SLIT3: variants seen among roughly 807,000 people sequenced by gnomAD.
SLIT3 encodes slit guidance ligand 3.
A neutral mutation model predicts 184.0 loss-of-function variants in SLIT3; 68 were observed. The ratio of observed to expected loss-of-function variants is 0.37; its 90% CI spans 0.30 to 0.45. SLIT3 has a LOEUF of 0.45. SLIT3 is among the 20% of genes least tolerant of loss of function. SLIT3 has a pLI of 1.00. For missense variants in SLIT3, 1,707 were observed against 2,026.0 expected (o/e 0.84, Z 3.02); for synonymous variants, 831 against 828.6 (o/e 1.00, Z -0.05).
intron 4 of SLIT3, among the ~76,000 whole-genome samples, chr5:168,911,311 C>CA (rs1447379947): frequency 6.6e-6 from 1 of 152,142 alleles, no homozygotes; most frequent in Non-Finnish European, 1.5e-5. Context: ...TATTAGCGTT[C>CA]ACCCCACCCC....
intron 31 of SLIT3, among the ~76,000 whole-genome samples, chr5:168,684,510 CCCAGGCTGG>C (rs1435218570): frequency 6.6e-6 from 1 of 152,150 alleles, no homozygotes; most frequent in Non-Finnish European, 1.5e-5. Context: ...AGAATCTTGG[CCCAGGCTGG>C]AGTGCAGTGG....
intron 5 of SLIT3, among the ~76,000 whole-genome samples, chr5:168,852,329 G>GC (rs1347922773): frequency 6.6e-6 from 1 of 152,192 alleles, no homozygotes; most frequent in East Asian, 1.9e-4. Flanking sequence ...TAGTGAGGTA[G>GC]TTTTTTTCTT....
chr5:168,862,950 C>G (rs910417789), intron 5 of SLIT3, among the ~76,000 whole-genome samples: 1 of 152,220 alleles, frequency 6.6e-6, no homozygotes, highest in Admixed American at 6.5e-5. Context: ...GTTGGGATTA[C>G]AGGCATGAGC....
rs111696953 is a variant in SLIT3 at position 168,782,610 on chromosome 5, G to A, written c.1151+3297C>T. 9.7e-3 allele frequency among the ~76,000 whole-genome samples: 1,482 copies of A among 152,260 alleles called. 29 individuals are homozygous for A. The highest frequency in any genetic ancestry group is 0.034 in the African/African-American group (1,394 of 41,556). ...GAGCTTCCAGTGAGGAGGAAGACAGGTCATTTCTCTAATAATTGAGCTGCT... is the reference window on the plus strand; with the variant it reads ...GAGCTTCCAGTGAGGAGGAAGACAGATCATTTCTCTAATAATTGAGCTGCT... On this transcript the variant is annotated intron_variant, in intron 12 of 35. Coordinates refer to ENST00000519560, the MANE Select transcript of SLIT3 (RefSeq NM_003062.4).
chr5:169,274,066 G>A (rs538912401), intron 1 of SLIT3, among the ~76,000 whole-genome samples: 18 of 152,266 alleles, frequency 1.2e-4, no homozygotes, highest in South Asian at 2.1e-4. Flanking sequence ...TGGGGTTCCC[G>A]GACCAGCAGT....
intron 8 of SLIT3, among the ~76,000 whole-genome samples, chr5:168,816,294 C>T (rs907965172): frequency 1.4e-4 from 21 of 152,198 alleles, no homozygotes; most frequent in South Asian, 1.0e-3. Flanking sequence ...TCAAGCGATT[C>T]TCCTGCCTCA....
intron 4 of SLIT3, among the ~76,000 whole-genome samples, chr5:169,190,152 A>G (rs553912980): frequency 6.6e-6 from 1 of 152,326 alleles, no homozygotes; most frequent in South Asian, 2.1e-4. Context: ...GGACATGGGC[A>G]TATATGACCA....
intron 12 of SLIT3, among the ~76,000 whole-genome samples, chr5:168,784,760 A>G (rs976579386): frequency 3.3e-5 from 5 of 152,104 alleles, no homozygotes; most frequent in Admixed American, 1.3e-4. Flanking sequence ...CCCCAGCTTG[A>G]GTCCTGGCCC....
At chr5:168,919,201 A>G (rs1420284428) in intron 4 of SLIT3, among the ~76,000 whole-genome samples, 1 of 150,906 alleles carries the variant, frequency 6.6e-6, no homozygotes, top group African/African-American at 2.4e-5. Context: ...CGGAGGTTGC[A>G]GTGAGCCGAG....
chr5:169,067,934 A>G lies in SLIT3; in HGVS notation c.413+125545T>C, dbSNP rs561757398. 1.4e-4 allele frequency among the ~76,000 whole-genome samples: 21 copies of G among 152,368 alleles called. 2 individuals carry two copies. The South Asian group carries it at 4.1e-3, about 30-fold the overall frequency. ...CACACTTGAGGAAAATTATTTAGTT[A>G]TGATAATTATTAGCTGCTTTTAATC... On this transcript the variant is annotated intron_variant, in intron 4 of 35. Coordinates refer to ENST00000519560, the MANE Select transcript of SLIT3 (RefSeq NM_003062.4).
At chr5:169,137,323 C>G (rs1761546866) in intron 4 of SLIT3, among the ~76,000 whole-genome samples, 1 of 114,384 alleles carries the variant, frequency 8.7e-6, no homozygotes, top group Non-Finnish European at 1.8e-5. Flanking sequence ...CACACACACA[C>G]ACACACACAC....
chr5:169,094,185 T>G (rs1759694644), intron 4 of SLIT3, among the ~76,000 whole-genome samples: 1 of 152,258 alleles, frequency 6.6e-6, no homozygotes, highest in South Asian at 2.1e-4. Context: ...TTTGTTAATT[T>G]AACTTAATAT....
chr5:168,696,525 A>G, intron 27 of SLIT3, 94 bp from the exon 28 acceptor site: 1 of 1,456,908 alleles, frequency 6.9e-7, no homozygotes, highest in Non-Finnish European at 9.5e-7. Context: ...TGGGAAATAC[A>G]ATTAGTTTTT....
intron 3 of SLIT3, among the ~76,000 whole-genome samples, chr5:169,202,370 T>A (rs1763929003): frequency 6.6e-6 from 1 of 152,212 alleles, no homozygotes; most frequent in African/African-American, 2.4e-5. Context: ...ATCTGTATTA[T>A]CTCACTTCGT....
chr5:168,917,456 A>G (rs770164307), intron 4 of SLIT3, among the ~76,000 whole-genome samples: 3 of 152,180 alleles, frequency 2.0e-5, no homozygotes, highest in Non-Finnish European at 2.9e-5. Flanking sequence ...ATCTCAGTCA[A>G]ATCCCTTGTT....
At chr5:168,921,403 G>C (rs1581212852) in intron 4 of SLIT3, among the ~76,000 whole-genome samples, 1 of 152,100 alleles carries the variant, frequency 6.6e-6, no homozygotes, top group Non-Finnish European at 1.5e-5. Flanking sequence ...GTTCACATCT[G>C]TTAAAGCATT....
chr5:168,905,732 T>C (rs1761028635), intron 4 of SLIT3, among the ~76,000 whole-genome samples: 1 of 152,222 alleles, frequency 6.6e-6, no homozygotes, highest in Non-Finnish European at 1.5e-5. Flanking sequence ...GAAACTCGTA[T>C]ACCCCTTGCT....
chr5:168,840,055 G>A (rs553047075), intron 6 of SLIT3, among the ~76,000 whole-genome samples: 9 of 152,236 alleles, frequency 5.9e-5, no homozygotes, highest in East Asian at 1.9e-4. Context: ...TCCTACCAGC[G>A]CCAACCTATA....
intron 4 of SLIT3, among the ~76,000 whole-genome samples, chr5:168,975,787 G>C (rs1205393552): frequency 6.6e-6 from 1 of 151,982 alleles, no homozygotes; most frequent in Non-Finnish European, 1.5e-5. Context: ...GTTTCATTAG[G>C]CAGAACAATT....
Sources: allele counts gnomAD v4.1 joint callset (sites outside exome capture counted in the v4.1 genomes callset), GRCh38; gene constraint gnomAD v4.1.1; transcripts MANE v1.5; gene names NCBI Gene and HGNC (gene_info 2026-07-23, HGNC 2026-07-21).